Variants in ATP6V1A observed in about 807,000 individuals in gnomAD.
The protein encoded by ATP6V1A is ATPase H+ transporting V1 subunit A, also known as V-type proton ATPase catalytic subunit A.
Under a neutral mutation model 70.1 loss-of-function variants are expected in ATP6V1A, and 18 were observed. The observed-to-expected ratio is 0.26, with a 90% CI of 0.18 to 0.38. ATP6V1A has a LOEUF of 0.38. ATP6V1A is among the 10% of genes least tolerant of loss of function. The probability of loss-of-function intolerance (pLI) is 1.00; values close to 1 mark genes in which losing one functional copy is unlikely to be tolerated. For synonymous variants in ATP6V1A, 232 were observed against 253.8 expected, an observed-to-expected ratio of 0.91 and a Z score of 0.82; for missense variants, 424 against 772.4, an observed-to-expected ratio of 0.55 and a Z score of 5.35.
intron 1 of ATP6V1A, among the ~76,000 whole-genome samples, chr3:113,765,445 A>G (rs1414958084): frequency 6.6e-6 from 1 of 151,940 alleles, no homozygotes; most frequent in East Asian, 1.9e-4. Context: ...TCTCTACTAA[A>G]AATACAAAAT....
chr3:113,770,695 A>G (rs1002322101), intron 1 of ATP6V1A, among the ~76,000 whole-genome samples: 7 of 152,020 alleles, frequency 4.6e-5, no homozygotes, highest in Admixed American at 1.3e-4. Context: ...AAAGAAAATC[A>G]ATAGCTGTAT....
Position 113,794,919 on chromosome 3 carries a change from A to G in ATP6V1A, c.1036A>G (p.Met346Val). ...CCGTGACATGGGCTATCATGTCAGT[A>G]TGATGGCTGACTCTACCTCTAGATG... ...YFRDMGYHVSMMADSTSRWAE... is the reference protein window; with the variant it reads ...YFRDMGYHVSVMADSTSRWAE... The change falls in exon 9 of 15, where the codon ATG becomes GTG. Residue 346 changes from methionine to valine, a missense_variant. Met to Val is a conservative substitution (Grantham distance 21, BLOSUM62 1). This residue lies in a region of ATP6V1A where 58 missense variants were observed against 181.5 expected (regional missense o/e 0.32). Coordinates refer to ENST00000273398, the MANE Select transcript of ATP6V1A (RefSeq NM_001690.4). 1 of 1,613,976 alleles carries G rather than the reference A, an allele frequency of 6.2e-7. No homozygotes were observed. Among genetic ancestry groups the G allele is most frequent in the Non-Finnish European group, 8.5e-7 (1 of 1,179,870 alleles).
intron 1 of ATP6V1A, among the ~76,000 whole-genome samples, chr3:113,767,086 C>CTTTTTTTTTTT (rs369126041): frequency 9.3e-6 from 1 of 107,844 alleles, no homozygotes; most frequent in African/African-American, 3.6e-5. Flanking sequence ...GATGTTATGT[C>CTTTTTTTTTTT]TTTTTTTTTT....
At chr3:113,776,654 T>A (rs1169838555) in intron 1 of ATP6V1A, among the ~76,000 whole-genome samples, 1 of 152,228 alleles carries the variant, frequency 6.6e-6, no homozygotes, top group African/African-American at 2.4e-5. Context: ...TTAAAGTAGT[T>A]GAACACCATT....
chr3:113,776,818 C>G (rs1488562026), intron 1 of ATP6V1A, among the ~76,000 whole-genome samples: 1 of 152,174 alleles, frequency 6.6e-6, no homozygotes, highest in African/African-American at 2.4e-5. Context: ...AGTCTTTATA[C>G]CAGTCAGGCT....
chr3:113,775,229 C>CTT (rs200572945), intron 1 of ATP6V1A, among the ~76,000 whole-genome samples: 5 of 137,846 alleles, frequency 3.6e-5, no homozygotes, highest in Non-Finnish European at 3.2e-5. Flanking sequence ...TCACAAGGAA[C>CTT]TTTTTTTTTT....
intron 1 of ATP6V1A, among the ~76,000 whole-genome samples, chr3:113,750,038 G>A (rs569211638): frequency 2.6e-5 from 4 of 152,290 alleles, no homozygotes; most frequent in South Asian, 2.1e-4. Context: ...GTGGCTCTGC[G>A]TGATCTATAA....
In ATP6V1A at chr3:113,748,211, T is replaced by C. The variant is rs143537686; in HGVS notation, c.-14+1098T>C. The stretch of plus-strand genomic sequence containing the variant: ...TGAAAATACAGAAATTGTTGTCCAA[T>C]TGAAAATACAGGTGTTGTCCAACCC... On this transcript the variant is annotated intron_variant, in intron 1 of 14. Coordinates refer to ENST00000273398, the MANE Select transcript of ATP6V1A (RefSeq NM_001690.4). 2.2e-3 allele frequency among the ~76,000 whole-genome samples: 334 copies of C among 152,308 alleles called. 2 individuals carry two copies. Among genetic ancestry groups the C allele is most frequent in the African/African-American group, 7.6e-3 (317 of 41,556 alleles).
chr3:113,786,845 C>T lies in ATP6V1A; in HGVS notation c.716+462C>T, dbSNP rs551669565. Among the ~76,000 whole-genome samples the T allele has an allele frequency of 2.0e-5, 3 of 151,678 alleles. No homozygotes were observed. The South Asian group carries it at 6.3e-4, about 32-fold the overall frequency. On this transcript the variant is annotated intron_variant, in intron 6 of 14. Coordinates refer to ENST00000273398, the MANE Select transcript of ATP6V1A (RefSeq NM_001690.4). ...AGGCTAGAGTGCAGTGGCATGATCTCAGCTCACTGCAACCTCTGCCTCCCA... is the reference window on the plus strand; with the variant it reads ...AGGCTAGAGTGCAGTGGCATGATCTTAGCTCACTGCAACCTCTGCCTCCCA...
At position 113,787,671 on chromosome 3, in the gene ATP6V1A, G is replaced by A. The variant is rs531087858; in HGVS notation, c.717-1042G>A. 1.6e-4 allele frequency among the ~76,000 whole-genome samples: 24 copies of A among 152,220 alleles called. No homozygotes were observed. The South Asian group carries it at 4.8e-3, about 30-fold the overall frequency. ...GGATGTATTTAATTTATTTGCATGT[G>A]TAACTTTTTAAAAATAAAGAATTGT... On this transcript the variant is annotated intron_variant, in intron 6 of 14. Coordinates refer to ENST00000273398, the MANE Select transcript of ATP6V1A (RefSeq NM_001690.4).
intron 11 of ATP6V1A, among the ~76,000 whole-genome samples, chr3:113,797,381 T>G (rs1709164606): frequency 6.6e-6 from 1 of 151,964 alleles, no homozygotes; most frequent in African/African-American, 2.4e-5. Context: ...GCCTCCCAAG[T>G]AAGCTGGCAT....
intron 1 of ATP6V1A, among the ~76,000 whole-genome samples, chr3:113,750,502 C>CA (rs1247843460): frequency 6.6e-6 from 1 of 151,558 alleles, no homozygotes; most frequent in Non-Finnish European, 1.5e-5. Context: ...AAAACAAAAA[C>CA]AAAAAAAACT....
intron 1 of ATP6V1A, among the ~76,000 whole-genome samples, chr3:113,758,251 G>A (rs1374279162): frequency 6.6e-6 from 1 of 152,162 alleles, no homozygotes; most frequent in Non-Finnish European, 1.5e-5. Context: ...GCAATAACTT[G>A]TGCTTTTTAA....
In ATP6V1A at chr3:113,809,332, C is replaced by T. The variant is rs765972946; in HGVS notation, c.1762-3C>T. On this transcript the variant is annotated splice_region_variant and splice_polypyrimidine_tract_variant and intron_variant, in intron 14 of 14. Transcript: ENST00000273398. ...GAGTTGAATTTGTAATGTCTTCTTT[C>T]AGGATCCACTGAAAGATGGTGAGGC... is the stretch of plus-strand genomic sequence containing the variant. The T allele has an allele frequency of 2.5e-6, 4 of 1,610,168 alleles. No homozygotes were observed. The highest frequency in any genetic ancestry group is 3.4e-6 in the Non-Finnish European group (4 of 1,177,926).
chr3:113,761,434 A>G (rs1708703983), intron 1 of ATP6V1A, among the ~76,000 whole-genome samples: 1 of 151,670 alleles, frequency 6.6e-6, no homozygotes, highest in Non-Finnish European at 1.5e-5. Flanking sequence ...TGGTAATTGT[A>G]AAGTTTTAAA....
intron 1 of ATP6V1A, among the ~76,000 whole-genome samples, chr3:113,748,966 A>G (rs1708555268): frequency 6.6e-6 from 1 of 152,160 alleles, no homozygotes; most frequent in Non-Finnish European, 1.5e-5. Flanking sequence ...ACCAGGTGAC[A>G]TTGCACCACG....
chr3:113,792,437 A>T (rs1385943993), intron 8 of ATP6V1A, among the ~76,000 whole-genome samples: 1 of 152,012 alleles, frequency 6.6e-6, no homozygotes, highest in Non-Finnish European at 1.5e-5. Flanking sequence ...TCCTGGTCTC[A>T]AGGGATCCTC....
At chr3:113,797,402 C>T (rs1164025975) in intron 11 of ATP6V1A, among the ~76,000 whole-genome samples, 5 of 151,782 alleles carry the variant, frequency 3.3e-5, no homozygotes, top group South Asian at 2.1e-4. Context: ...TACAGGCATG[C>T]GCCACCACCA....
At chr3:113,798,178 G>A (rs992445607) in intron 11 of ATP6V1A, 65 bp from the exon 12 acceptor site, 26 of 1,541,630 alleles carry the variant, frequency 1.7e-5, no homozygotes, top group South Asian at 4.5e-5. Context: ...AACATGCTTC[G>A]GTATTTTTTA....
Sources: gnomAD v4.1 joint callset for allele counts (sites outside exome capture counted in the v4.1 genomes callset) on GRCh38, gnomAD v4.1.1 for gene constraint, gnomAD v4.1.1 regional missense constraint, MANE v1.5 for transcripts, NCBI Gene and HGNC (gene_info 2026-07-23, HGNC 2026-07-21) for gene names.